ZC3HAV1: variants seen among roughly 807,000 people sequenced by gnomAD.
ZC3HAV1 encodes the protein zinc finger CCCH-type containing, antiviral 1.
In ZC3HAV1, 41 loss-of-function variants were observed where a neutral mutation model predicts 86.6. The ratio of observed to expected loss-of-function variants is 0.47; its 90% CI spans 0.37 to 0.61. The LOEUF is 0.61. Ranked by LOEUF, ZC3HAV1 falls within the 20% of genes least tolerant of loss-of-function variation. The probability of loss-of-function intolerance (pLI) is 0.00; values close to 1 mark genes in which losing one functional copy is unlikely to be tolerated. For synonymous variants in ZC3HAV1, 421 were observed against 432.1 expected (o/e 0.97, Z 0.32); for missense variants, 964 against 1,141.1 (o/e 0.84, Z 2.24).
chr7:139,073,284 A>C (rs1816834958), intron 7 of ZC3HAV1, among the ~76,000 whole-genome samples: 1 of 152,086 alleles, frequency 6.6e-6, no homozygotes, highest in Admixed American at 6.6e-5. Context: ...GGGTGATAAG[A>C]GTGAAACTCC....
At chr7:139,053,913 A>C (rs1037047695) in intron 11 of ZC3HAV1, 52 bp downstream of exon 11, 1 of 1,582,102 alleles carries the variant, frequency 6.3e-7, no homozygotes, top group African/African-American at 1.4e-5. Flanking sequence ...GACGGATATT[A>C]ACTAATCCTT....
chr7:139,086,595 C>T (rs1375431008), intron 2 of ZC3HAV1, among the ~76,000 whole-genome samples: 2 of 152,138 alleles, frequency 1.3e-5, no homozygotes, highest in Non-Finnish European at 2.9e-5. Flanking sequence ...TCATATCTGC[C>T]GACCTCCTCC....
At chr7:139,058,373 G>A (rs554113650) in intron 9 of ZC3HAV1, among the ~76,000 whole-genome samples, 91 of 150,040 alleles carry the variant, frequency 6.1e-4, no homozygotes, top group African/African-American at 2.2e-3. Context: ...AGGATCACCC[G>A]AGTCCGAGAG....
intron 2 of ZC3HAV1, among the ~76,000 whole-genome samples, chr7:139,085,992 CAG>C (rs1469166050): frequency 6.6e-6 from 1 of 150,954 alleles, no homozygotes; most frequent in East Asian, 1.9e-4. Flanking sequence ...GCCTGGGAGA[CAG>C]AGTGAGACTC....
rs1230341019 is a variant in ZC3HAV1 at position 139,061,045 on chromosome 7, C to T, written c.2087G>A (p.Arg696Lys). The change falls in exon 9 of 13, where the codon AGA becomes AAA. Residue 696 changes from arginine to lysine, a missense_variant. Transcript: ENST00000242351. ...GCTTCAGAACACTTACTCTGGCCCT[C>T]TCTTCATCTGCTGCACATACCACTG... ...VPQWYVQQMKRGPDHQPAKTS... is the reference protein window; with the variant it reads ...VPQWYVQQMKKGPDHQPAKTS... The T allele has an allele frequency of 4.3e-6, 7 of 1,613,714 alleles. No individual in the cohort carries two copies. The Admixed American group carries it at 6.7e-5, about 15-fold the overall frequency.
At chr7:139,097,424 ATATAT>A (rs1406705257) in intron 1 of ZC3HAV1, among the ~76,000 whole-genome samples, 3 of 81,184 alleles carry the variant, frequency 3.7e-5, no homozygotes, top group Non-Finnish European at 6.4e-5. Flanking sequence ...ATATATATAT[ATATAT>A]TTTTTTTTTT....
intron 4 of ZC3HAV1, 97 bp downstream of exon 4, chr7:139,079,373 T>C: frequency 1.2e-6 from 2 of 1,603,794 alleles, no homozygotes; most frequent in South Asian, 1.1e-5. Flanking sequence ...GGCACCAGTT[T>C]TTTCTACATC....
At chr7:139,086,475 G>C (rs1442785840) in intron 2 of ZC3HAV1, among the ~76,000 whole-genome samples, 3 of 130,352 alleles carry the variant, frequency 2.3e-5, no homozygotes, top group Non-Finnish European at 4.7e-5. Context: ...CCTCTTGTTT[G>C]CACTGTTTGA....
intron 8 of ZC3HAV1, among the ~76,000 whole-genome samples, chr7:139,061,608 A>G (rs149816554): frequency 1.3e-5 from 2 of 152,346 alleles, no homozygotes; most frequent in Non-Finnish European, 1.5e-5. Flanking sequence ...GTCATAATAC[A>G]TTGCTAGTGA....
chr7:139,095,898 T>A (rs761359605), intron 1 of ZC3HAV1, among the ~76,000 whole-genome samples: 5 of 152,204 alleles, frequency 3.3e-5, no homozygotes, highest in African/African-American at 9.7e-5. Flanking sequence ...AAAGATTTCC[T>A]AAGTGATCCC....
intron 1 of ZC3HAV1, among the ~76,000 whole-genome samples, chr7:139,102,907 A>T (rs1817815570): frequency 6.6e-6 from 1 of 150,834 alleles, no homozygotes; most frequent in Non-Finnish European, 1.5e-5. Context: ...TGACAGAACA[A>T]GATCCTGTCT....
At chr7:139,087,873 TA>T (rs557435128) in intron 2 of ZC3HAV1, among the ~76,000 whole-genome samples, 1 of 149,778 alleles carries the variant, frequency 6.7e-6, no homozygotes, top group African/African-American at 2.5e-5. Flanking sequence ...TACTAAAATT[TA>T]AAAAAAAGTT....
intron 1 of ZC3HAV1, among the ~76,000 whole-genome samples, chr7:139,097,428 A>ATTTTTTTTTTT (rs11291842): frequency 2.1e-4 from 10 of 48,154 alleles, no homozygotes; most frequent in East Asian, 9.0e-4. Flanking sequence ...ATATATATAT[A>ATTTTTTTTTTT]TTTTTTTTTT....
chr7:139,091,756 C>T (rs1026361891), intron 1 of ZC3HAV1, among the ~76,000 whole-genome samples: 1 of 152,090 alleles, frequency 6.6e-6, no homozygotes, highest in Non-Finnish European at 1.5e-5. Context: ...GGGATACACA[C>T]TTGAGACACC....
At chr7:139,101,975 C>A (rs1199175956) in intron 1 of ZC3HAV1, among the ~76,000 whole-genome samples, 1 of 150,952 alleles carries the variant, frequency 6.6e-6, no homozygotes, top group East Asian at 2.0e-4. Flanking sequence ...CTAAATCCCC[C>A]TCTGTGAGAA....
At chr7:139,095,595 G>A (rs1344095412) in intron 1 of ZC3HAV1, among the ~76,000 whole-genome samples, 3 of 152,254 alleles carry the variant, frequency 2.0e-5, no homozygotes, top group Admixed American at 2.0e-4. Flanking sequence ...TGCAAGACTG[G>A]AGAGCAGAGG....
chr7:139,108,893 G>A lies in ZC3HAV1; in HGVS notation c.308+131C>T. The stretch of plus-strand genomic sequence containing the variant: ...GGCTCCCAGAGGGGAGCAGAGAAGG[G>A]AGTGGCTGGAGGCGGAGGCTGTCAG... On this transcript the variant is annotated intron_variant, in intron 1 of 12. Transcript: ENST00000242351. The surrounding 1 kb of genome is among the most constrained non-coding windows in gnomAD (Gnocchi z 4.2). 2 of 1,191,262 alleles carry A rather than the reference G, an allele frequency of 1.7e-6. No individual in the cohort carries two copies. The highest frequency in any genetic ancestry group is 1.2e-6 in the Non-Finnish European group (1 of 866,640). 73.8% of individuals were successfully genotyped at this position (1,191,262 alleles called of 1,614,324 possible).
At chr7:139,102,143 G>GT (rs1472429391) in intron 1 of ZC3HAV1, among the ~76,000 whole-genome samples, 1 of 152,008 alleles carries the variant, frequency 6.6e-6, no homozygotes, top group African/African-American at 2.4e-5. Context: ...ATTTTACTTT[G>GT]TTTTTTCAGA....
At chr7:139,060,872 G>T (rs1469239724) in intron 9 of ZC3HAV1, 164 bp downstream of exon 9, 2 of 1,543,102 alleles carry the variant, frequency 1.3e-6, no homozygotes, top group Non-Finnish European at 1.7e-6. Context: ...ACACCATGCT[G>T]CTTAACAAGC....
Sources: allele counts gnomAD v4.1 joint callset (sites outside exome capture counted in the v4.1 genomes callset), GRCh38; gene constraint gnomAD v4.1.1; non-coding constraint Gnocchi (gnomAD v3.1); transcripts MANE v1.5; gene names NCBI Gene and HGNC (gene_info 2026-07-23, HGNC 2026-07-21).